The following TENM2 variants were observed in gnomAD, a reference collection of about 807,000 sequenced individuals.
TENM2 encodes teneurin transmembrane protein 2, also known as teneurin-2.
Under a neutral mutation model 245.2 loss-of-function variants are expected in TENM2, and 52 were observed. The observed-to-expected ratio is 0.21, with a 90% CI of 0.17 to 0.27. The LOEUF (loss-of-function observed/expected upper bound fraction) is 0.27. Ranked by LOEUF, TENM2 falls within the 10% of genes least tolerant of loss-of-function variation. The pLI is 1.00. For synonymous variants in TENM2, 1,363 were observed against 1,438.9 expected (o/e 0.95, Z 1.19); for missense variants, 3,046 against 3,666.8 (o/e 0.83, Z 4.37).
intron 2 of TENM2, among the ~76,000 whole-genome samples, chr5:167,401,106 A>C (rs925383343): frequency 2.6e-5 from 4 of 152,006 alleles, no homozygotes; most frequent in African/African-American, 9.7e-5. Flanking sequence ...AAAATAAAGA[A>C]ATTTTTACAA....
chr5:167,324,392 T>C (rs1464412342), intron 1 of TENM2, among the ~76,000 whole-genome samples: 4 of 152,220 alleles, frequency 2.6e-5, no homozygotes, highest in Non-Finnish European at 5.9e-5. Context: ...CATGTAGTTC[T>C]TCATTGCCAA....
chr5:167,384,528 T>C (rs1307464342), intron 2 of TENM2, among the ~76,000 whole-genome samples: 1 of 152,070 alleles, frequency 6.6e-6, no homozygotes, highest in African/African-American at 2.4e-5. Flanking sequence ...GCAGTAGAAA[T>C]AGATGAATAG....
chr5:167,224,994 G>A, the TENM2 span, among the ~76,000 whole-genome samples: 1 of 151,606 alleles, frequency 6.6e-6, no homozygotes, highest in Non-Finnish European at 1.5e-5. Flanking sequence ...CCTAATTTCT[G>A]TTTCATCTAT....
intron 2 of TENM2, among the ~76,000 whole-genome samples, chr5:167,484,877 C>T (rs1242965088): frequency 1.3e-5 from 2 of 152,180 alleles, no homozygotes; most frequent in African/African-American, 4.8e-5. Flanking sequence ...AAAGATATTG[C>T]ATGCTAAGTG....
chr5:167,734,452 A>G (rs1260151041), intron 2 of TENM2, among the ~76,000 whole-genome samples: 4 of 148,648 alleles, frequency 2.7e-5, no homozygotes, highest in South Asian at 4.2e-4. Flanking sequence ...ATAAATAACT[A>G]TATTAATTAG....
chr5:167,999,574 G>A (rs1784283542), intron 5 of TENM2, among the ~76,000 whole-genome samples: 1 of 152,220 alleles, frequency 6.6e-6, no homozygotes, highest in Non-Finnish European at 1.5e-5. Context: ...CGGCCATGTG[G>A]CAATATTTGT....
the TENM2 span, among the ~76,000 whole-genome samples, chr5:167,264,546 A>C: frequency 7.9e-5 from 12 of 152,162 alleles, no homozygotes; most frequent in Non-Finnish European, 1.8e-4. Flanking sequence ...CACATTGTCC[A>C]TTCTGCACTC....
exon 29 of TENM2, chr5:168,262,929 A>G: frequency 1.1e-6 from 1 of 934,616 alleles, no homozygotes. Context: ...TAGGAGACCA[A>G]GTGGCAAGAA....
At chr5:167,138,098 GC>G in the TENM2 span, among the ~76,000 whole-genome samples, 1 of 152,214 alleles carries the variant, frequency 6.6e-6, no homozygotes, top group African/African-American at 2.4e-5. Context: ...CAGGGAAGCA[GC>G]CGCTGAGGCT....
intron 5 of TENM2, among the ~76,000 whole-genome samples, chr5:168,018,456 G>A (rs1785854375): frequency 6.6e-6 from 1 of 151,194 alleles, no homozygotes; most frequent in Admixed American, 6.6e-5. Context: ...GGGGAGAAAA[G>A]GATTGCATTT....
At chr5:168,139,723 G>A (rs764652695) in intron 12 of TENM2, among the ~76,000 whole-genome samples, 2 of 152,308 alleles carry the variant, frequency 1.3e-5, no homozygotes, top group African/African-American at 2.4e-5. Flanking sequence ...TAAAGTGGGT[G>A]CATTCAACAG....
chr5:168,009,771 A>C lies in TENM2; in HGVS notation c.1186+16589A>C, dbSNP rs138003522. The stretch of plus-strand genomic sequence containing the variant: ...AATTATGTCTCTTTGCTTTCTTTTT[A>C]TCTTCATCCTAACTCTCATCTTTCA... On this transcript the variant is annotated intron_variant, in intron 5 of 28. Coordinates refer to ENST00000518659, the Ensembl canonical transcript of TENM2. Among the ~76,000 whole-genome samples the C allele has an allele frequency of 2.1e-3, 320 of 152,252 alleles. 2 individuals carry two copies. The highest frequency in any genetic ancestry group is 7.2e-3 in the African/African-American group (301 of 41,534).
intron 2 of TENM2, among the ~76,000 whole-genome samples, chr5:167,422,875 A>C (rs1320955571): frequency 6.6e-6 from 1 of 152,168 alleles, no homozygotes; most frequent in African/African-American, 2.4e-5. Context: ...AGATTTGTTC[A>C]ACTGAAATGA....
chr5:167,025,799 C>T, the TENM2 span, among the ~76,000 whole-genome samples: 505 of 152,196 alleles, frequency 3.3e-3, 3 homozygotes, highest in African/African-American at 0.011. Context: ...GAATGAAATA[C>T]GAAGATAGTA....
At chr5:167,843,660 G>T (rs546519316) in intron 2 of TENM2, among the ~76,000 whole-genome samples, 1 of 152,228 alleles carries the variant, frequency 6.6e-6, no homozygotes, top group South Asian at 2.1e-4. Context: ...GGAAAAAGAA[G>T]GTTTGAAAAC....
the TENM2 span, among the ~76,000 whole-genome samples, chr5:167,185,750 AT>A: frequency 2.0e-5 from 3 of 152,110 alleles, no homozygotes; most frequent in Admixed American, 6.5e-5. Context: ...AAAATGACAC[AT>A]TTTCAGATTA....
At chr5:167,318,630 C>T (rs1374952650) in intron 1 of TENM2, among the ~76,000 whole-genome samples, 2 of 152,162 alleles carry the variant, frequency 1.3e-5, no homozygotes, top group Non-Finnish European at 2.9e-5. Flanking sequence ...TTACTGCCTT[C>T]CAATGGCAGC....
At chr5:167,403,789 C>T (rs1423152260) in intron 2 of TENM2, among the ~76,000 whole-genome samples, 1 of 152,042 alleles carries the variant, frequency 6.6e-6, no homozygotes, top group Non-Finnish European at 1.5e-5. Flanking sequence ...GATGTACAAG[C>T]TTGCACCAGG....
chr5:167,136,806 T>C, the TENM2 span, among the ~76,000 whole-genome samples: 50 of 152,306 alleles, frequency 3.3e-4, no homozygotes, highest in African/African-American at 1.2e-3. Flanking sequence ...ATAATGGACA[T>C]ATGATACATC....
Sources: allele counts gnomAD v4.1 joint callset (sites outside exome capture counted in the v4.1 genomes callset), GRCh38; gene constraint gnomAD v4.1.1; transcripts MANE v1.5; gene names NCBI Gene and HGNC (gene_info 2026-07-23, HGNC 2026-07-21).